The following GABRA3 variants were observed in gnomAD, a reference collection of about 807,000 sequenced individuals.
The protein encoded by GABRA3 is gamma-aminobutyric acid type A receptor subunit alpha3, also known as gamma-aminobutyric acid receptor subunit alpha-3.
Under a neutral mutation model 30.1 loss-of-function variants are expected in GABRA3, and 10 were observed. That is an observed-to-expected ratio of 0.33 (90% CI 0.20 to 0.56). The LOEUF (loss-of-function observed/expected upper bound fraction) is 0.56, where lower values mean the gene tolerates loss of function less well. Ranked by LOEUF, GABRA3 falls within the 20% of genes least tolerant of loss-of-function variation. The probability of loss-of-function intolerance (pLI) is 0.89; values close to 1 mark genes in which losing one functional copy is unlikely to be tolerated. For missense variants in GABRA3, 233 were observed against 392.0 expected, an observed-to-expected ratio of 0.59 and a Z score of 3.42; for synonymous variants, 151 against 146.8, an observed-to-expected ratio of 1.03 and a Z score of -0.21.
intron 3 of GABRA3, among the ~76,000 whole-genome samples, chrX:152,295,681 G>A (rs1018591703): frequency 8.9e-5 from 10 of 112,204 alleles, no homozygotes; most frequent in South Asian, 3.7e-4. Context: ...GCCCTGTTTC[G>A]GGTCACCCTC....
chrX:152,176,182 A>G (rs1042962408), intron 9 of GABRA3, among the ~76,000 whole-genome samples: 6 of 111,472 alleles, frequency 5.4e-5, no homozygotes, highest in African/African-American at 1.6e-4. Context: ...GGTAAGAGGT[A>G]CCATCACAGA....
At chrX:152,255,533 A>T (rs1254174567) in intron 5 of GABRA3, among the ~76,000 whole-genome samples, 1 of 112,145 alleles carries the variant, frequency 8.9e-6, no homozygotes, top group Non-Finnish European at 1.9e-5. Flanking sequence ...TGCATATACA[A>T]ATCATGAATG....
In GABRA3 at chrX:152,168,246, G is replaced by A. The variant is rs768445940; in HGVS notation, c.1461C>T (p.Gly487=). 7.5e-6 allele frequency: 9 copies of A among 1,207,875 alleles called. No homozygotes were observed. The African/African-American group carries it at 1.6e-4, about 21-fold the overall frequency. ...CCACTATCTACTGTTTGCGGATCAT[G>A]CCCTTGATAGCTGACTCCCGGTTGA... ...TYVNRESAIK[G]MIRKQ Residue 487 remains glycine, a synonymous_variant, in exon 10 of 10, where the codon GGC becomes GGT. Coordinates refer to ENST00000370314, the MANE Select transcript of GABRA3 (RefSeq NM_000808.4).
intron 3 of GABRA3, among the ~76,000 whole-genome samples, chrX:152,306,337 A>G (rs1939720612): frequency 8.9e-6 from 1 of 112,338 alleles, no homozygotes; most frequent in Non-Finnish European, 1.9e-5. Flanking sequence ...CCTCTGATCT[A>G]TATTTACCAG....
At chrX:152,201,779 C>T (rs1937487832) in intron 7 of GABRA3, among the ~76,000 whole-genome samples, 1 of 111,936 alleles carries the variant, frequency 8.9e-6, no homozygotes, top group South Asian at 3.7e-4. Flanking sequence ...TTTTCCCTCT[C>T]TCTATCTCTA....
chrX:152,221,775 T>C (rs1937844426), intron 6 of GABRA3, among the ~76,000 whole-genome samples: 1 of 112,013 alleles, frequency 8.9e-6, no homozygotes, highest in South Asian at 3.7e-4. Context: ...GTCTGTTACA[T>C]AGGTAAACCT....
intron 2 of GABRA3, among the ~76,000 whole-genome samples, chrX:152,356,341 T>G (rs1241726346): frequency 2.7e-5 from 3 of 111,970 alleles, no homozygotes; most frequent in Non-Finnish European, 5.6e-5. Flanking sequence ...TGGCGGCCAA[T>G]GTAGGTGGTT....
At chrX:152,221,336 CTCTCTCTCGT>C (rs987928224) in intron 6 of GABRA3, among the ~76,000 whole-genome samples, 7 of 111,651 alleles carry the variant, frequency 6.3e-5, no homozygotes, top group African/African-American at 9.8e-5. Context: ...CTCTGTCTCT[CTCTCTCTCGT>C]TCTCTCTCTC....
At chrX:152,285,627 T>C (rs1029246778) in intron 3 of GABRA3, among the ~76,000 whole-genome samples, 2 of 111,264 alleles carry the variant, frequency 1.8e-5, no homozygotes, top group Non-Finnish European at 3.8e-5. Flanking sequence ...TACAACAAAA[T>C]ACCTTAGACT....
intron 3 of GABRA3, among the ~76,000 whole-genome samples, chrX:152,329,362 G>T (rs919019899): frequency 9.0e-6 from 1 of 111,292 alleles, no homozygotes; most frequent in Non-Finnish European, 1.9e-5. Flanking sequence ...AGTTCATATG[G>T]AACCAAAAAA....
In GABRA3 at chrX:152,286,293, C is replaced by A. The variant is rs182175407; in HGVS notation, c.263-1558G>T. 3.7e-3 allele frequency among the ~76,000 whole-genome samples: 406 copies of A among 108,676 alleles called. 2 individuals are homozygous for A. Among genetic ancestry groups the A allele is most frequent in the African/African-American group, 0.013 (382 of 29,846 alleles). 94.4% of individuals were successfully genotyped at this position (108,676 alleles called of 115,157 possible). On this transcript the variant is annotated intron_variant, in intron 3 of 9. Transcript: ENST00000370314. ...AGCCCTACTTACCCCCACTGCAGCC[C>A]AGTTAGCCTACCCATTCCAGCGTAC...
At chrX:152,299,959 G>A (rs1939601061) in intron 3 of GABRA3, among the ~76,000 whole-genome samples, 1 of 112,179 alleles carries the variant, frequency 8.9e-6, no homozygotes, top group Admixed American at 9.5e-5. Flanking sequence ...ACAAAGAGAG[G>A]GAAAAGGGCT....
chrX:152,432,334 G>C (rs1007712180), intron 1 of GABRA3, among the ~76,000 whole-genome samples: 1 of 111,439 alleles, frequency 9.0e-6, no homozygotes, highest in African/African-American at 3.3e-5. Context: ...GCTGGGCAGG[G>C]ATCTGCTGTT....
At chrX:152,213,666 T>C (rs1346401385) in intron 6 of GABRA3, among the ~76,000 whole-genome samples, 3 of 111,728 alleles carry the variant, frequency 2.7e-5, no homozygotes, top group African/African-American at 9.8e-5. Flanking sequence ...AAGGCCAATG[T>C]AATGGGGAAA....
intron 3 of GABRA3, among the ~76,000 whole-genome samples, chrX:152,313,858 G>A (rs1372227365): frequency 3.6e-5 from 4 of 111,185 alleles, no homozygotes; most frequent in African/African-American, 1.3e-4. Context: ...CTTTCCTTTC[G>A]ATAAGTGGTC....
intron 1 of GABRA3, among the ~76,000 whole-genome samples, chrX:152,390,059 A>G (rs1268115214): frequency 3.6e-5 from 4 of 112,008 alleles, no homozygotes; most frequent in African/African-American, 9.7e-5. Context: ...AAAACAACAC[A>G]GTATATATTT....
At chrX:152,258,086 C>T (rs922131190) in intron 4 of GABRA3, among the ~76,000 whole-genome samples, 4 of 111,330 alleles carry the variant, frequency 3.6e-5, no homozygotes, top group Non-Finnish European at 7.5e-5. Flanking sequence ...TAAGGGTCAA[C>T]AGATACAAGA....
chrX:152,317,752 A>T (rs888941978), intron 3 of GABRA3, among the ~76,000 whole-genome samples: 2 of 111,896 alleles, frequency 1.8e-5, no homozygotes, highest in Non-Finnish European at 3.8e-5. Context: ...ATGGACATTT[A>T]AAAATTATTT....
At chrX:152,388,365 G>A (rs1267534059) in intron 1 of GABRA3, among the ~76,000 whole-genome samples, 1 of 111,313 alleles carries the variant, frequency 9.0e-6, no homozygotes, top group East Asian at 2.8e-4. Flanking sequence ...CATCAAAGTG[G>A]ACAAATAAAC....
Sources: allele counts gnomAD v4.1 joint callset (sites outside exome capture counted in the v4.1 genomes callset), GRCh38; gene constraint gnomAD v4.1.1; transcripts MANE v1.5; gene names NCBI Gene and HGNC (gene_info 2026-07-23, HGNC 2026-07-21).